XKR9: variants seen among roughly 807,000 people sequenced by gnomAD.
XKR9 encodes XK-related protein 9.
A neutral mutation model predicts 32.0 loss-of-function variants in XKR9; 32 were observed. That is an observed-to-expected ratio of 1.00 (90% CI 0.76 to 1.34). XKR9 has a LOEUF of 1.34. XKR9 is among the 40% of genes most tolerant of loss of function. The probability of loss-of-function intolerance (pLI) is 0.00; values close to 1 mark genes in which losing one functional copy is unlikely to be tolerated. For synonymous variants in XKR9, 168 were observed against 143.4 expected (o/e 1.17, Z -1.22); for missense variants, 546 against 429.7 (o/e 1.27, Z -2.39).
chr8:70,793,983 A>G (rs975817970), downstream of XKR9, among the ~76,000 whole-genome samples: 2 of 152,100 alleles, frequency 1.3e-5, no homozygotes, highest in African/African-American at 4.8e-5. Flanking sequence ...TGAACACAGG[A>G]TATCTATCCA....
chr8:70,733,982 A>C lies in XKR9; in HGVS notation c.680A>C (p.Asn227Thr). The C allele has an allele frequency of 6.2e-7, 1 of 1,612,194 alleles. No homozygotes were observed. Among genetic ancestry groups the C allele is most frequent in the Non-Finnish European group, 8.5e-7 (1 of 1,179,506 alleles). The change falls in exon 5 of 5, where the codon AAT becomes ACT. Residue 227 changes from asparagine (N) to threonine (T), a missense_variant. Coordinates refer to ENST00000408926, the MANE Select transcript of XKR9 (RefSeq NM_001011720.2). ...MLSVVLLLFL[N>T]VKIALFLLLF... ...AGTGTTGTACTTCTACTATTCTTAA[A>C]TGTTAAGATTGCTTTATTTCTGTTG... is the stretch of plus-strand genomic sequence containing the variant.
At position 70,683,247 on chromosome 8, in the gene XKR9, T is replaced by A. The variant is rs73300817; in HGVS notation, c.272+1917T>A. ...CAAGTATAAAGTAAAACAAAACCTTTGCTGTTAACATTGATAATTTAAAGA... is the reference window on the plus strand; with the variant it reads ...CAAGTATAAAGTAAAACAAAACCTTAGCTGTTAACATTGATAATTTAAAGA... On this transcript the variant is annotated intron_variant, in intron 3 of 4. Transcript: ENST00000408926. Among the ~76,000 whole-genome samples, 561 of 152,286 alleles carry A rather than the reference T, an allele frequency of 3.7e-3. 3 individuals are homozygous for A. The highest frequency in any genetic ancestry group is 0.013 in the African/African-American group (540 of 41,568).
the XKR9 span, among the ~76,000 whole-genome samples, chr8:70,887,748 T>A: frequency 6.6e-6 from 1 of 152,102 alleles, no homozygotes; most frequent in African/African-American, 2.4e-5. Flanking sequence ...TGTATAGAAA[T>A]GCTTTTGATT....
chr8:70,897,924 T>C, the XKR9 span, among the ~76,000 whole-genome samples: 2 of 152,194 alleles, frequency 1.3e-5, no homozygotes, highest in Non-Finnish European at 2.9e-5. Flanking sequence ...GGGATATTAC[T>C]CAAGAAATGT....
At chr8:71,005,867 A>G in the XKR9 span, among the ~76,000 whole-genome samples, 1 of 152,320 alleles carries the variant, frequency 6.6e-6, no homozygotes, top group East Asian at 1.9e-4. Flanking sequence ...GCTAACTTCC[A>G]GATGAAAAGT....
chr8:71,004,330 T>A, the XKR9 span, among the ~76,000 whole-genome samples: 1 of 152,068 alleles, frequency 6.6e-6, no homozygotes, highest in Non-Finnish European at 1.5e-5. Context: ...GGGAAACTAT[T>A]AGCAGCTTAT....
chr8:70,796,054 G>T, the XKR9 span, among the ~76,000 whole-genome samples: 3 of 148,542 alleles, frequency 2.0e-5, no homozygotes, highest in East Asian at 2.0e-4. Context: ...TTGAGATTTT[G>T]ATTTTTTTTT....
At chr8:70,850,209 T>A in the XKR9 span, among the ~76,000 whole-genome samples, 1 of 151,874 alleles carries the variant, frequency 6.6e-6, no homozygotes. Flanking sequence ...CACCTCTAAT[T>A]CCAGCACTTT....
At chr8:70,978,325 A>G in the XKR9 span, among the ~76,000 whole-genome samples, 2 of 152,090 alleles carry the variant, frequency 1.3e-5, no homozygotes, top group African/African-American at 2.4e-5. Context: ...ATTTCTCTCT[A>G]GCATCGATGG....
At chr8:70,686,605 G>A (rs187516448) in intron 3 of XKR9, among the ~76,000 whole-genome samples, 1 of 151,970 alleles carries the variant, frequency 6.6e-6, no homozygotes, top group Admixed American at 6.6e-5. Flanking sequence ...CACCATGCCT[G>A]GCTAATTTTT....
chr8:70,741,722 T>A (rs925570047), intron 2 of XKR9, among the ~76,000 whole-genome samples: 6 of 152,226 alleles, frequency 3.9e-5, no homozygotes, highest in African/African-American at 1.4e-4. Context: ...AACATGGGTT[T>A]ACAAATACTT....
the XKR9 span, among the ~76,000 whole-genome samples, chr8:70,879,907 T>C: frequency 1.1e-4 from 16 of 152,194 alleles, no homozygotes; most frequent in Admixed American, 7.9e-4. Flanking sequence ...TCCAGCAGCA[T>C]ATCAAAAAGC....
chr8:70,926,377 A>G, the XKR9 span, among the ~76,000 whole-genome samples: 57 of 152,314 alleles, frequency 3.7e-4, no homozygotes, highest in African/African-American at 1.3e-3. Flanking sequence ...GGCCATAACC[A>G]ATTTCTTATA....
chr8:70,926,291 G>A, the XKR9 span, among the ~76,000 whole-genome samples: 1 of 152,114 alleles, frequency 6.6e-6, no homozygotes, highest in African/African-American at 2.4e-5. Context: ...GGCTGGTCTT[G>A]AACTTCTGAC....
intron 2 of XKR9, among the ~76,000 whole-genome samples, chr8:70,750,153 A>G (rs987768480): frequency 1.3e-5 from 2 of 152,168 alleles, no homozygotes; most frequent in Non-Finnish European, 2.9e-5. Flanking sequence ...AGGTTAAACA[A>G]TGGTTTTATT....
chr8:70,751,156 TCTCA>T (rs1229112305), intron 2 of XKR9, among the ~76,000 whole-genome samples: 1 of 152,140 alleles, frequency 6.6e-6, no homozygotes, highest in Non-Finnish European at 1.5e-5. Flanking sequence ...TGAGATGGAA[TCTCA>T]CTCTGTCGCC....
the XKR9 span, among the ~76,000 whole-genome samples, chr8:70,926,233 C>A: frequency 6.6e-6 from 1 of 152,124 alleles, no homozygotes; most frequent in Non-Finnish European, 1.5e-5. Context: ...CAGCACCATG[C>A]CCGGCTTTTG....
chr8:70,854,626 G>A, the XKR9 span, among the ~76,000 whole-genome samples: 3 of 152,118 alleles, frequency 2.0e-5, no homozygotes, highest in African/African-American at 7.2e-5. Flanking sequence ...GTATTGCCCA[G>A]GTTTTCTTCT....
the XKR9 span, among the ~76,000 whole-genome samples, chr8:71,052,926 GCTT>G: frequency 6.6e-6 from 1 of 152,200 alleles, no homozygotes; most frequent in Non-Finnish European, 1.5e-5. Flanking sequence ...CCCTGTCTCA[GCTT>G]CACACAGCCA....
Sources: gnomAD v4.1 joint callset for allele counts (sites outside exome capture counted in the v4.1 genomes callset) on GRCh38, gnomAD v4.1.1 for gene constraint, MANE v1.5 for transcripts, NCBI Gene and HGNC (gene_info 2026-07-23, HGNC 2026-07-21) for gene names.